SLIT2: variants seen among roughly 807,000 people sequenced by gnomAD.
The protein encoded by SLIT2 is slit guidance ligand 2.
A neutral mutation model predicts 185.7 loss-of-function variants in SLIT2; 41 were observed. That is an observed-to-expected ratio of 0.22 (90% CI 0.17 to 0.29). SLIT2 has a LOEUF of 0.29. Among genes scored for constraint, SLIT2 ranks in the 10% least tolerant of loss-of-function variants. The probability of loss-of-function intolerance (pLI) is 1.00; values close to 1 mark genes in which losing one functional copy is unlikely to be tolerated. For missense variants in SLIT2, 1,571 were observed against 1,909.0 expected (o/e 0.82, Z 3.30); for synonymous variants, 693 against 680.2 (o/e 1.02, Z -0.29).
chr4:20,428,814 A>G (rs1728751747), intron 4 of SLIT2, among the ~76,000 whole-genome samples: 1 of 152,156 alleles, frequency 6.6e-6, no homozygotes, highest in Admixed American at 6.6e-5. Flanking sequence ...TACAGTATTA[A>G]TTTTAAATGG....
chr4:20,329,565 C>G (rs1719892814), intron 4 of SLIT2, among the ~76,000 whole-genome samples: 1 of 151,946 alleles, frequency 6.6e-6, no homozygotes, highest in African/African-American at 2.4e-5. Flanking sequence ...TGTTGGAAGT[C>G]ACTGCTAGCA....
intron 2 of SLIT2, 46 bp downstream of exon 2, chr4:20,256,789 ATT>A (rs1287387380): frequency 4.4e-6 from 4 of 904,894 alleles, no homozygotes; most frequent in Non-Finnish European, 7.0e-6. Flanking sequence ...AAGGTTGCAT[ATT>A]TTGAATCATT....
intron 4 of SLIT2, among the ~76,000 whole-genome samples, chr4:20,425,881 T>G (rs1170370877): frequency 2.0e-5 from 3 of 152,208 alleles, no homozygotes; most frequent in Non-Finnish European, 4.4e-5. Context: ...ATATGTCCCT[T>G]TCTCTGCCTG....
chr4:20,312,235 C>T (rs921612482), intron 4 of SLIT2, among the ~76,000 whole-genome samples: 5 of 152,104 alleles, frequency 3.3e-5, no homozygotes, highest in South Asian at 2.1e-4. Flanking sequence ...TTGAGTTACT[C>T]AACCAACTCA....
chr4:20,452,908 G>T (rs1450196467), intron 4 of SLIT2, among the ~76,000 whole-genome samples: 1 of 152,060 alleles, frequency 6.6e-6, no homozygotes, highest in African/African-American at 2.4e-5. Flanking sequence ...TATTCATGAG[G>T]GCCCACCCAG....
intron 18 of SLIT2, among the ~76,000 whole-genome samples, chr4:20,538,617 G>A (rs925235804): frequency 2.6e-5 from 4 of 151,684 alleles, no homozygotes; most frequent in African/African-American, 9.7e-5. Context: ...ACGATTTATG[G>A]CAACTATTCA....
At chr4:20,595,355 T>C (rs1189414506) in intron 30 of SLIT2, among the ~76,000 whole-genome samples, 2 of 152,072 alleles carry the variant, frequency 1.3e-5, no homozygotes, top group East Asian at 3.9e-4. Flanking sequence ...ACTGAAAATA[T>C]AGGGCACTGT....
At chr4:20,364,383 A>G (rs1722955574) in intron 4 of SLIT2, 2 of 517,734 alleles carry the variant, frequency 3.9e-6, no homozygotes, top group Admixed American at 1.3e-4. Flanking sequence ...TGCAAAGAGA[A>G]AAAGAAAGCT....
chr4:20,291,417 C>A (rs1356549896), intron 4 of SLIT2, among the ~76,000 whole-genome samples: 2 of 127,476 alleles, frequency 1.6e-5, no homozygotes, highest in Non-Finnish European at 3.2e-5. Flanking sequence ...GCACTCTGAC[C>A]ATTATGGTAT....
chr4:20,506,044 C>T (rs1450278731), intron 9 of SLIT2, among the ~76,000 whole-genome samples: 4 of 151,982 alleles, frequency 2.6e-5, no homozygotes, highest in Non-Finnish European at 5.9e-5. Context: ...TTTCCTTCTA[C>T]ATTTGAAAGA....
chr4:20,356,295 C>G (rs1264898416), intron 4 of SLIT2, among the ~76,000 whole-genome samples: 1 of 152,168 alleles, frequency 6.6e-6, no homozygotes, highest in Non-Finnish European at 1.5e-5. Context: ...ATTCCTTCCT[C>G]TCCACCCAGG....
rs571532692 is a variant in SLIT2 at position 20,600,062 on chromosome 4, A to T, written c.3692+1667A>T. 9.2e-5 allele frequency among the ~76,000 whole-genome samples: 14 copies of T among 152,272 alleles called. No individual in the cohort carries two copies. The East Asian group carries it at 2.5e-3, about 27-fold the overall frequency. ...CAAATGGTGATGAATTAGTGCCAAGATTTTAGATATTACGAGGCCTTAAAT... is the reference window on the plus strand; with the variant it reads ...CAAATGGTGATGAATTAGTGCCAAGTTTTTAGATATTACGAGGCCTTAAAT... On this transcript the variant is annotated intron_variant, in intron 33 of 36. Coordinates refer to ENST00000504154, the MANE Select transcript of SLIT2 (RefSeq NM_004787.4).
chr4:20,516,967 GA>G (rs1204872079), intron 11 of SLIT2, among the ~76,000 whole-genome samples: 1 of 151,890 alleles, frequency 6.6e-6, no homozygotes, highest in East Asian at 1.9e-4. Flanking sequence ...GTGATTTATT[GA>G]AAAAAATAAT....
At chr4:20,441,502 CGCCCCCCCCCACTTCTG>C (rs1729738154) in intron 4 of SLIT2, among the ~76,000 whole-genome samples, 1 of 139,204 alleles carries the variant, frequency 7.2e-6, no homozygotes, top group African/African-American at 2.8e-5. Context: ...CTCTCTCTCT[CGCCCCCCCCCACTTCTG>C]TCTCTCTCTC....
intron 11 of SLIT2, among the ~76,000 whole-genome samples, chr4:20,518,582 TATATA>T (rs1414415855): frequency 2.4e-4 from 6 of 25,042 alleles, no homozygotes; most frequent in East Asian, 1.4e-3. Flanking sequence ...TATATATATA[TATATA>T]TTTTTTTTTT....
intron 33 of SLIT2, among the ~76,000 whole-genome samples, chr4:20,600,509 G>A (rs1240474498): frequency 3.7e-5 from 5 of 134,790 alleles, no homozygotes; most frequent in East Asian, 2.5e-4. Context: ...TGCAAGCTCC[G>A]CCTCCTGGGT....
chr4:20,464,646 T>C (rs1714140606), intron 4 of SLIT2, among the ~76,000 whole-genome samples: 1 of 152,152 alleles, frequency 6.6e-6, no homozygotes, highest in Non-Finnish European at 1.5e-5. Context: ...TCTCCTGTTA[T>C]TCCACTGCAT....
chr4:20,454,966 A>G (rs910123260), intron 4 of SLIT2, among the ~76,000 whole-genome samples: 1 of 151,962 alleles, frequency 6.6e-6, no homozygotes, highest in Non-Finnish European at 1.5e-5. Context: ...TAAAAAAAAA[A>G]TGCTCTTTTT....
intron 4 of SLIT2, among the ~76,000 whole-genome samples, chr4:20,452,050 T>C (rs1712532185): frequency 6.6e-6 from 1 of 152,192 alleles, no homozygotes; most frequent in Non-Finnish European, 1.5e-5. Context: ...GTAGAATTGA[T>C]GAGATGTTTT....
Sources: allele counts gnomAD v4.1 joint callset (sites outside exome capture counted in the v4.1 genomes callset), GRCh38; gene constraint gnomAD v4.1.1; transcripts MANE v1.5; gene names NCBI Gene and HGNC (gene_info 2026-07-23, HGNC 2026-07-21).